TAFA1: variants seen among roughly 807,000 people sequenced by gnomAD.
TAFA1 encodes TAFA chemokine like family member 1, also known as chemokine-like protein TAFA-1.
TAFA1 carries 4 observed loss-of-function variants against 18.5 expected under a neutral mutation model. The observed-to-expected ratio is 0.22, with a 90% confidence interval of 0.11 to 0.49. TAFA1 has a LOEUF of 0.49. Ranked by LOEUF, TAFA1 falls within the 20% of genes least tolerant of loss-of-function variation. TAFA1 has a pLI of 0.98. For missense variants in TAFA1, 147 were observed against 169.0 expected, an observed-to-expected ratio of 0.87 and a Z score of 0.72; for synonymous variants, 56 against 55.2, an observed-to-expected ratio of 1.01 and a Z score of -0.06.
intron 2 of TAFA1, among the ~76,000 whole-genome samples, chr3:68,126,120 T>C (rs2065462051): frequency 6.6e-6 from 1 of 152,200 alleles, no homozygotes; most frequent in Admixed American, 6.5e-5. Context: ...CAGGCTCTGA[T>C]TTCTGGGGAC....
chr3:68,053,933 A>G (rs898738967), intron 2 of TAFA1, among the ~76,000 whole-genome samples: 1 of 152,042 alleles, frequency 6.6e-6, no homozygotes, highest in African/African-American at 2.4e-5. Context: ...TTGAACTTCC[A>G]GCCTCAAGTG....
At chr3:68,333,475 G>A (rs2106735602) in intron 2 of TAFA1, among the ~76,000 whole-genome samples, 1 of 152,256 alleles carries the variant, frequency 6.6e-6, no homozygotes, top group Admixed American at 6.5e-5. Flanking sequence ...GGACCTACTT[G>A]AGTGTAGAGG....
At chr3:68,443,274 C>A (rs35940240) in intron 3 of TAFA1, among the ~76,000 whole-genome samples, 33,181 of 151,740 alleles carry the variant, frequency 0.22, 3,854 homozygotes, top group Admixed American at 0.29. Flanking sequence ...AGGCAGCTAC[C>A]TTTTTCCCTC....
intron 2 of TAFA1, among the ~76,000 whole-genome samples, chr3:68,416,497 C>A (rs953823548): frequency 2.0e-5 from 3 of 152,128 alleles, no homozygotes; most frequent in Non-Finnish European, 4.4e-5. Context: ...GTATCTTTTG[C>A]GTGTCTCTAG....
intron 4 of TAFA1, among the ~76,000 whole-genome samples, chr3:68,540,292 C>A (rs2073351413): frequency 6.6e-6 from 1 of 152,100 alleles, no homozygotes; most frequent in African/African-American, 2.4e-5. Flanking sequence ...CCCTAGCTTG[C>A]TAACATGCAT....
At chr3:68,512,588 T>C (rs1258939999) in intron 3 of TAFA1, among the ~76,000 whole-genome samples, 1 of 152,128 alleles carries the variant, frequency 6.6e-6, no homozygotes, top group Non-Finnish European at 1.5e-5. Context: ...GTTATCTTAC[T>C]TAATCAGCAC....
intron 2 of TAFA1, among the ~76,000 whole-genome samples, chr3:68,053,345 T>G (rs1220918566): frequency 6.6e-6 from 1 of 152,144 alleles, no homozygotes; most frequent in Non-Finnish European, 1.5e-5. Flanking sequence ...CCTATTTAAA[T>G]CTTAACAGAT....
At chr3:68,492,940 T>C (rs192962154) in intron 3 of TAFA1, among the ~76,000 whole-genome samples, 1 of 152,328 alleles carries the variant, frequency 6.6e-6, no homozygotes, top group African/African-American at 2.4e-5. Context: ...ATGTGCTAAA[T>C]ATAATCTTTA....
intron 2 of TAFA1, among the ~76,000 whole-genome samples, chr3:68,360,867 A>G (rs558518680): frequency 2.8e-4 from 43 of 152,182 alleles, no homozygotes; most frequent in African/African-American, 9.9e-4. Context: ...TATTAAAATC[A>G]GTTATTATTC....
intron 3 of TAFA1, among the ~76,000 whole-genome samples, chr3:68,513,304 G>T (rs753885073): frequency 2.6e-5 from 4 of 152,062 alleles, no homozygotes; most frequent in African/African-American, 9.7e-5. Flanking sequence ...GTACCAGATC[G>T]ATCACCACTG....
chr3:68,402,218 A>G (rs780236771), intron 2 of TAFA1, among the ~76,000 whole-genome samples: 1 of 152,066 alleles, frequency 6.6e-6, no homozygotes, highest in Non-Finnish European at 1.5e-5. Flanking sequence ...CCTTGAATGC[A>G]CCGGTGCTCA....
chr3:68,375,950 C>T (rs573860514), intron 2 of TAFA1, among the ~76,000 whole-genome samples: 19 of 152,234 alleles, frequency 1.2e-4, no homozygotes, highest in East Asian at 5.8e-4. Context: ...TTAAAGCCTT[C>T]GAAAGGCACA....
chr3:68,186,099 A>T (rs1478024393), intron 2 of TAFA1, among the ~76,000 whole-genome samples: 1 of 152,062 alleles, frequency 6.6e-6, no homozygotes, highest in African/African-American at 2.4e-5. Flanking sequence ...AGAAAGCTGG[A>T]AAAACAACTT....
At chr3:68,540,562 C>A (rs1226715158) in intron 4 of TAFA1, among the ~76,000 whole-genome samples, 1 of 152,206 alleles carries the variant, frequency 6.6e-6, no homozygotes, top group Non-Finnish European at 1.5e-5. Context: ...TGATTGGAAT[C>A]TAACCACCTT....
At chr3:68,363,130 A>G (rs1198265984) in intron 2 of TAFA1, among the ~76,000 whole-genome samples, 1 of 151,950 alleles carries the variant, frequency 6.6e-6, no homozygotes, top group Non-Finnish European at 1.5e-5. Context: ...TTTCCACTCA[A>G]TCCTTGGCTC....
intron 2 of TAFA1, among the ~76,000 whole-genome samples, chr3:68,060,114 T>C (rs1040244994): frequency 2.2e-4 from 33 of 151,622 alleles, no homozygotes; most frequent in African/African-American, 7.8e-4. Context: ...GGAAGGAAAA[T>C]TTATTTTTGA....
intron 2 of TAFA1, among the ~76,000 whole-genome samples, chr3:68,208,342 C>T (rs2066552054): frequency 1.3e-5 from 2 of 151,574 alleles, no homozygotes; most frequent in Non-Finnish European, 2.9e-5. Flanking sequence ...TAAGTAGTTA[C>T]AGCAAGCTGT....
chr3:68,294,972 G>A (rs1047404858), intron 2 of TAFA1, among the ~76,000 whole-genome samples: 2 of 152,158 alleles, frequency 1.3e-5, no homozygotes, highest in Non-Finnish European at 2.9e-5. Flanking sequence ...AGGCAGCACC[G>A]GTTCACAGGG....
chr3:68,219,428 A>T (rs2066703339), intron 2 of TAFA1, among the ~76,000 whole-genome samples: 2 of 152,078 alleles, frequency 1.3e-5, no homozygotes, highest in Admixed American at 1.3e-4. Flanking sequence ...CTGTTACCCT[A>T]TCTTTTGGCC....
Sources: gnomAD v4.1 joint callset for allele counts (sites outside exome capture counted in the v4.1 genomes callset) on GRCh38, gnomAD v4.1.1 for gene constraint, MANE v1.5 for transcripts, NCBI Gene and HGNC (gene_info 2026-07-23, HGNC 2026-07-21) for gene names.